The following PTPRM variants were observed in gnomAD, a reference collection of about 807,000 sequenced individuals.
The protein encoded by PTPRM is receptor-type tyrosine-protein phosphatase mu.
Under a neutral mutation model 186.7 loss-of-function variants are expected in PTPRM, and 47 were observed. The observed-to-expected ratio is 0.25, with a 90% confidence interval of 0.20 to 0.32. The LOEUF is 0.32. Among genes scored for constraint, PTPRM ranks in the 10% least tolerant of loss-of-function variants. The probability of loss-of-function intolerance (pLI) is 1.00; values close to 1 mark genes in which losing one functional copy is unlikely to be tolerated. For synonymous variants in PTPRM, 668 were observed against 674.9 expected (o/e 0.99, Z 0.16); for missense variants, 1,494 against 1,865.0 (o/e 0.80, Z 3.66).
rs557987617 is a variant in PTPRM, at chr18:8,239,815, C to A, written c.2301-4243C>A. Among the ~76,000 whole-genome samples the A allele has an allele frequency of 2.0e-5, 3 of 152,236 alleles. No individual in the cohort carries two copies. The South Asian group carries it at 6.2e-4, about 32-fold the overall frequency. ...CCTTTCATGCCAGGCTAGAAACCAC[C>A]AAGTCCTTTCTTTAAATTTTAATGA... is the stretch of plus-strand genomic sequence containing the variant. On this transcript the variant is annotated intron_variant, in intron 14 of 32. Coordinates refer to ENST00000580170, the MANE Select transcript of PTPRM (RefSeq NM_001105244.2).
At chr18:8,066,959 A>G (rs1464289025) in intron 7 of PTPRM, among the ~76,000 whole-genome samples, 1 of 152,248 alleles carries the variant, frequency 6.6e-6, no homozygotes, top group African/African-American at 2.4e-5. Flanking sequence ...ACCGGTACAC[A>G]GACAGAAGCC....
intron 14 of PTPRM, among the ~76,000 whole-genome samples, chr18:8,204,898 A>G (rs996203922): frequency 1.9e-4 from 29 of 152,162 alleles, no homozygotes; most frequent in African/African-American, 6.5e-4. Flanking sequence ...GAGTGTGGAA[A>G]GAGTTTGGGC....
At chr18:7,919,071 CTT>C (rs899414468) in intron 4 of PTPRM, among the ~76,000 whole-genome samples, 1 of 152,096 alleles carries the variant, frequency 6.6e-6, no homozygotes, top group Non-Finnish European at 1.5e-5. Flanking sequence ...GTTGTATACT[CTT>C]AGCACCTTTG....
intron 32 of PTPRM, among the ~76,000 whole-genome samples, chr18:8,401,429 G>C (rs571747558): frequency 2.3e-4 from 35 of 152,320 alleles, no homozygotes; most frequent in African/African-American, 8.2e-4. Flanking sequence ...AACCTGGCTG[G>C]GAACACTGAA....
chr18:7,613,586 T>C (rs1229459655), intron 1 of PTPRM, among the ~76,000 whole-genome samples: 2 of 151,722 alleles, frequency 1.3e-5, no homozygotes, highest in Admixed American at 1.3e-4. Context: ...GGCAGGAGAA[T>C]CAGTTGAATC....
At chr18:7,669,260 T>C (rs1473594302) in intron 1 of PTPRM, among the ~76,000 whole-genome samples, 1 of 152,036 alleles carries the variant, frequency 6.6e-6, no homozygotes, top group Non-Finnish European at 1.5e-5. Context: ...CTCCATTGCT[T>C]CTTGGTTACC....
chr18:8,086,247 T>C (rs1239992752), intron 10 of PTPRM, among the ~76,000 whole-genome samples: 1 of 152,154 alleles, frequency 6.6e-6, no homozygotes, highest in Non-Finnish European at 1.5e-5. Context: ...GACAGTCATA[T>C]AGAGTCTGCT....
At chr18:7,784,383 G>C (rs1290593888) in intron 2 of PTPRM, among the ~76,000 whole-genome samples, 1 of 152,034 alleles carries the variant, frequency 6.6e-6, no homozygotes, top group South Asian at 2.1e-4. Flanking sequence ...CTCTCTGCCA[G>C]CCCAGCTGCT....
chr18:8,295,657 T>C (rs939058998), intron 19 of PTPRM, among the ~76,000 whole-genome samples: 5 of 152,334 alleles, frequency 3.3e-5, no homozygotes, highest in Middle Eastern at 3.4e-3. Flanking sequence ...CCTCACATAG[T>C]TGACCACATA....
chr18:8,239,221 C>T (rs967468177), intron 14 of PTPRM, among the ~76,000 whole-genome samples: 3 of 145,320 alleles, frequency 2.1e-5, no homozygotes, highest in African/African-American at 7.7e-5. Context: ...GTTCATTTCC[C>T]ACCTATGAGT....
intron 19 of PTPRM, among the ~76,000 whole-genome samples, chr18:8,254,526 T>C (rs961656105): frequency 3.2e-4 from 49 of 152,212 alleles, no homozygotes; most frequent in Admixed American, 2.0e-4. Flanking sequence ...TGTGGTTTTT[T>C]TAAACCTTAG....
intron 7 of PTPRM, among the ~76,000 whole-genome samples, chr18:7,955,744 C>G (rs2053266559): frequency 6.6e-6 from 1 of 152,208 alleles, no homozygotes; most frequent in Non-Finnish European, 1.5e-5. Flanking sequence ...ATAGGTCAGA[C>G]TCTCTTACTT....
intron 32 of PTPRM, 24 bp downstream of exon 32, chr18:8,394,635 TC>T: frequency 6.3e-7 from 1 of 1,580,322 alleles, no homozygotes; most frequent in Admixed American, 1.8e-5. Context: ...TCTGAGCTGT[TC>T]CATGAGACAC....
rs1443104195 is a variant in PTPRM at position 8,384,674 on chromosome 18, C to T, written c.4032C>T (p.Tyr1344=). ...TCATCAGCAGGATATTCCGCATTTA[C>T]AATGCCGCCAGAGTAAGAGACGGGC... ...EDIISRIFRI[Y]NAARPQDGYR... The change falls in exon 30 of 33, where the codon TAC becomes TAT. Residue 1344 remains tyrosine, a synonymous_variant. Transcript: ENST00000580170. The T allele has an allele frequency of 6.2e-7, 1 of 1,614,158 alleles. No individual in the cohort carries two copies. Among genetic ancestry groups the T allele is most frequent in the Admixed American group, 1.7e-5 (1 of 60,020 alleles).
At chr18:8,148,139 G>A (rs558412858) in intron 14 of PTPRM, among the ~76,000 whole-genome samples, 5 of 152,250 alleles carry the variant, frequency 3.3e-5, no homozygotes, top group Middle Eastern at 6.8e-3. Context: ...CCAGGTTTTG[G>A]TATCAGGATG....
At chr18:7,767,364 T>C (rs550622213) in intron 1 of PTPRM, among the ~76,000 whole-genome samples, 59 of 152,338 alleles carry the variant, frequency 3.9e-4, no homozygotes, top group African/African-American at 1.4e-3. Context: ...TGGGTCAAGA[T>C]GTCATGACTA....
At chr18:8,112,720 T>G (rs2091809707) in intron 11 of PTPRM, among the ~76,000 whole-genome samples, 1 of 152,180 alleles carries the variant, frequency 6.6e-6, no homozygotes, top group South Asian at 2.1e-4. Flanking sequence ...TGAGGTTACT[T>G]CAGAATTCAA....
intron 7 of PTPRM, among the ~76,000 whole-genome samples, chr18:8,054,944 A>T (rs951341138): frequency 6.6e-6 from 1 of 151,978 alleles, no homozygotes; most frequent in African/African-American, 2.4e-5. Context: ...TGTACTTTGA[A>T]TATTTTGTTC....
chr18:7,764,481 C>CT (rs1011855585), intron 1 of PTPRM, among the ~76,000 whole-genome samples: 2 of 152,056 alleles, frequency 1.3e-5, no homozygotes, highest in Non-Finnish European at 2.9e-5. Context: ...ATTCTGGGAC[C>CT]TTTTTTTAAA....
Sources: allele counts gnomAD v4.1 joint callset (sites outside exome capture counted in the v4.1 genomes callset), GRCh38; gene constraint gnomAD v4.1.1; transcripts MANE v1.5; gene names NCBI Gene and HGNC (gene_info 2026-07-23, HGNC 2026-07-21).